CNTNAP5: variants seen among roughly 807,000 people sequenced by gnomAD.
CNTNAP5 encodes the protein contactin-associated protein-like 5.
CNTNAP5 carries 72 observed loss-of-function variants against 150.2 expected under a neutral mutation model. That is an observed-to-expected ratio of 0.48 (90% confidence interval 0.40 to 0.58). CNTNAP5 has a LOEUF of 0.58. Among genes scored for constraint, CNTNAP5 ranks in the 20% least tolerant of loss-of-function variants. The pLI is 0.00. For synonymous variants in CNTNAP5, 672 were observed against 619.8 expected, an observed-to-expected ratio of 1.08 and a Z score of -1.25; for missense variants, 1,636 against 1,626.2, an observed-to-expected ratio of 1.01 and a Z score of -0.10.
intron 18 of CNTNAP5, among the ~76,000 whole-genome samples, chr2:124,791,656 T>C (rs2104634360): frequency 1.3e-5 from 2 of 151,924 alleles, no homozygotes; most frequent in Middle Eastern, 6.9e-3. Context: ...TATTCAAAGA[T>C]CTCGTAGATC....
At chr2:124,423,814 G>A (rs933538634) in intron 4 of CNTNAP5, among the ~76,000 whole-genome samples, 100 of 146,046 alleles carry the variant, frequency 6.8e-4, no homozygotes, top group African/African-American at 2.4e-3. Flanking sequence ...ACAGGCGCCC[G>A]CTACCACGCC....
At chr2:124,720,515 T>C (rs1055311026) in intron 13 of CNTNAP5, among the ~76,000 whole-genome samples, 1 of 152,172 alleles carries the variant, frequency 6.6e-6, no homozygotes, top group Non-Finnish European at 1.5e-5. Context: ...AGAACCTTCT[T>C]TGCATCCCAA....
At position 124,491,873 on chromosome 2, in the gene CNTNAP5, A is replaced by C. The variant is rs546212197; in HGVS notation, c.1063-12419A>C. Among the ~76,000 whole-genome samples, 55 of 152,062 alleles carry C rather than the reference A, an allele frequency of 3.6e-4. 2 individuals carry two copies. The highest frequency in any genetic ancestry group is 1.3e-3 in the African/African-American group (53 of 41,484). The stretch of plus-strand genomic sequence containing the variant: ...TCCCTAAACGATTAACAATATGAAT[A>C]CCTGTTGGCCACTTCAATGTCCTCT... On this transcript the variant is annotated intron_variant, in intron 7 of 23. Transcript: ENST00000682447.
intron 1 of CNTNAP5, among the ~76,000 whole-genome samples, chr2:124,148,679 G>GAT (rs1404988431): frequency 6.7e-6 from 1 of 149,936 alleles, no homozygotes; most frequent in Non-Finnish European, 1.5e-5. Context: ...TATTATATGA[G>GAT]ATATATATAT....
At chr2:124,489,350 T>C (rs1011171893) in intron 7 of CNTNAP5, among the ~76,000 whole-genome samples, 5 of 152,218 alleles carry the variant, frequency 3.3e-5, no homozygotes, top group African/African-American at 9.6e-5. Flanking sequence ...GGCCCTCTTC[T>C]CCCTGTCTTC....
chr2:124,704,385 A>T (rs540798496), intron 13 of CNTNAP5, among the ~76,000 whole-genome samples: 2 of 152,126 alleles, frequency 1.3e-5, no homozygotes, highest in Non-Finnish European at 2.9e-5. Flanking sequence ...GATTAAACAA[A>T]CATAATAAAA....
intron 19 of CNTNAP5, among the ~76,000 whole-genome samples, chr2:124,840,133 C>T (rs1355739837): frequency 6.6e-6 from 1 of 152,046 alleles, no homozygotes; most frequent in African/African-American, 2.4e-5. Context: ...TATAGGACAT[C>T]AGGAGGAGAT....
At chr2:124,524,630 C>A (rs1694923830) in intron 9 of CNTNAP5, among the ~76,000 whole-genome samples, 178 bp downstream of exon 9, 1 of 152,128 alleles carries the variant, frequency 6.6e-6, no homozygotes, top group African/African-American at 2.4e-5. Context: ...AGCAAAATCT[C>A]TCACAGCTGT....
At chr2:124,212,191 G>T (rs1330427934) in intron 1 of CNTNAP5, among the ~76,000 whole-genome samples, 1 of 152,036 alleles carries the variant, frequency 6.6e-6, no homozygotes, top group Non-Finnish European at 1.5e-5. Flanking sequence ...TTTTAAAAAA[G>T]TTCTACCTTC....
intron 3 of CNTNAP5, among the ~76,000 whole-genome samples, chr2:124,367,083 C>A (rs971419546): frequency 6.6e-6 from 1 of 152,164 alleles, no homozygotes; most frequent in African/African-American, 2.4e-5. Flanking sequence ...AAAAAGGTAA[C>A]TATAAGTTCA....
intron 1 of CNTNAP5, among the ~76,000 whole-genome samples, chr2:124,086,897 A>C (rs1682705596): frequency 1.3e-5 from 2 of 151,332 alleles, no homozygotes; most frequent in Non-Finnish European, 2.9e-5. Flanking sequence ...TTCTTAACTT[A>C]TTGTGGATTA....
chr2:124,103,014 A>G (rs1339572618), intron 1 of CNTNAP5, among the ~76,000 whole-genome samples: 1 of 152,160 alleles, frequency 6.6e-6, no homozygotes, highest in Admixed American at 6.5e-5. Flanking sequence ...GACCACATAT[A>G]CAACGGTGTT....
At chr2:124,414,654 C>T (rs931666948) in intron 3 of CNTNAP5, among the ~76,000 whole-genome samples, 4 of 152,034 alleles carry the variant, frequency 2.6e-5, no homozygotes, top group African/African-American at 9.7e-5. Context: ...GGTCATGAAA[C>T]AAATCTTTAA....
chr2:124,476,057 CATT>C (rs1693632366), intron 7 of CNTNAP5, among the ~76,000 whole-genome samples: 2 of 152,058 alleles, frequency 1.3e-5, no homozygotes, highest in African/African-American at 4.8e-5. Flanking sequence ...TTTCTGTAGA[CATT>C]ATATTATATA....
At chr2:124,857,782 G>A (rs930277707) in intron 19 of CNTNAP5, among the ~76,000 whole-genome samples, 8 of 151,854 alleles carry the variant, frequency 5.3e-5, no homozygotes, top group East Asian at 1.9e-4. Flanking sequence ...AGCTGAGATC[G>A]CACCACTGTA....
intron 12 of CNTNAP5, among the ~76,000 whole-genome samples, chr2:124,626,357 A>G (rs375340795): frequency 1.2e-4 from 19 of 152,238 alleles, no homozygotes; most frequent in East Asian, 3.9e-4. Flanking sequence ...TGATTACTGC[A>G]TTTCCAACTG....
At chr2:124,280,811 A>G (rs1247393133) in intron 3 of CNTNAP5, among the ~76,000 whole-genome samples, 1 of 152,148 alleles carries the variant, frequency 6.6e-6, no homozygotes, top group African/African-American at 2.4e-5. Context: ...ACAATTCTAA[A>G]AATAACAAAA....
At chr2:124,786,360 AAAG>A (rs1681573957) in intron 17 of CNTNAP5, among the ~76,000 whole-genome samples, 1 of 54,594 alleles carries the variant, frequency 1.8e-5, no homozygotes, top group Admixed American at 2.0e-4. Context: ...AGGAAGAAAG[AAAG>A]AAAGAAAGAA....
At chr2:124,645,979 G>A (rs1053980267) in intron 12 of CNTNAP5, among the ~76,000 whole-genome samples, 8 of 152,138 alleles carry the variant, frequency 5.3e-5, no homozygotes, top group African/African-American at 1.9e-4. Flanking sequence ...ACAGCACCAA[G>A]CCATGAGGGA....
Sources: allele counts gnomAD v4.1 joint callset (sites outside exome capture counted in the v4.1 genomes callset), GRCh38; gene constraint gnomAD v4.1.1; transcripts MANE v1.5; gene names NCBI Gene and HGNC (gene_info 2026-07-23, HGNC 2026-07-21).